Variants in SIAH3 observed in about 807,000 individuals in gnomAD.
SIAH3 encodes siah E3 ubiquitin protein ligase family member 3.
SIAH3 carries 9 observed loss-of-function variants against 12.6 expected under a neutral mutation model. The ratio of observed to expected loss-of-function variants is 0.72; its 90% confidence interval spans 0.43 to 1.25. The LOEUF (loss-of-function observed/expected upper bound fraction) is 1.25. Ranked by LOEUF, SIAH3 falls within the 50% of genes most tolerant of loss-of-function variation. The pLI is 0.00. For synonymous variants in SIAH3, 154 were observed against 151.1 expected (o/e 1.02, Z -0.14); for missense variants, 390 against 365.4 (o/e 1.07, Z -0.55).
chr13:45,835,229 C>T (rs1326138802), intron 1 of SIAH3, among the ~76,000 whole-genome samples: 1 of 152,172 alleles, frequency 6.6e-6, no homozygotes, highest in Non-Finnish European at 1.5e-5. Context: ...CCCAGCCTCT[C>T]CAAAAATGAA....
Position 45,823,778 on chromosome 13 carries a change from G to A in SIAH3, c.135+27717C>T, listed in dbSNP as rs115430428. ...GCACTGTGCAAGTGTTAATCTGGTG[G>A]TTTAGTCCTACAGGCCTGACAGTAT... On this transcript the variant is annotated intron_variant, in intron 1 of 1. Coordinates refer to ENST00000400405, the MANE Select transcript of SIAH3 (RefSeq NM_198849.3). 2.6e-3 allele frequency among the ~76,000 whole-genome samples: 395 copies of A among 152,336 alleles called. 3 individuals are homozygous for A. The highest frequency in any genetic ancestry group is 9.3e-3 in the African/African-American group (385 of 41,580).
chr13:45,834,606 T>C (rs2137579055), intron 1 of SIAH3, among the ~76,000 whole-genome samples: 1 of 152,302 alleles, frequency 6.6e-6, no homozygotes, highest in East Asian at 1.9e-4. Flanking sequence ...TTGGAGGCTG[T>C]CCCGTTGGGC....
Position 45,783,656 on chromosome 13 carries a change from C to T in SIAH3, c.537G>A (p.Gly179=), listed in dbSNP as rs749435219. 12 of 1,614,012 alleles carry T rather than the reference C, an allele frequency of 7.4e-6. No homozygotes were observed. In the South Asian group the frequency reaches 1.2e-4, roughly 16 times the overall value. The change falls in exon 2 of 2, where the codon GGG becomes GGA. Residue 179 remains glycine, a synonymous_variant. Coordinates refer to ENST00000400405, the MANE Select transcript of SIAH3 (RefSeq NM_198849.3). The part of the protein sequence containing the change: ...LVLRKQERHE[G]HPQFFATMML... ...TCATGGTGGCAAAGAACTGGGGGTG[C>T]CCTTCATGCCTCTCCTGTTTCCTCA...
At chr13:45,824,076 T>A (rs1454637695) in intron 1 of SIAH3, among the ~76,000 whole-genome samples, 3 of 152,172 alleles carry the variant, frequency 2.0e-5, no homozygotes, top group Non-Finnish European at 4.4e-5. Context: ...CTTACAAAGG[T>A]CAAAGATCCA....
chr13:45,781,965 T>G lies in SIAH3; in HGVS notation c.*1418A>C. 1 of 151,360 alleles carries G rather than the reference T, an allele frequency of 6.6e-6. No individual in the cohort carries two copies. The highest frequency in any genetic ancestry group is 6.6e-5 in the Admixed American group (1 of 15,184). The allele number at this position is 151,360 out of a possible 1,614,324, so 9.4% of individuals were successfully genotyped here. On this transcript the variant is annotated 3_prime_UTR_variant, in exon 2 of 2. Coordinates refer to ENST00000400405, the MANE Select transcript of SIAH3 (RefSeq NM_198849.3). ...GGCTGTCATGGGAATGTGCTGGGGATGGGGTGCCTGACTTCTGCAGTGTCT... is the reference window on the plus strand; with the variant it reads ...GGCTGTCATGGGAATGTGCTGGGGAGGGGGTGCCTGACTTCTGCAGTGTCT...
In SIAH3 at chr13:45,830,110, G is replaced by A. The variant is rs370684750; in HGVS notation, c.135+21385C>T. ...CATAACACATGAGAAAGCCAGGTTT[G>A]AATTAGAGGGCTCGGACTCCTTGGA... On this transcript the variant is annotated intron_variant, in intron 1 of 1. Transcript: ENST00000400405. Among the ~76,000 whole-genome samples the A allele has an allele frequency of 3.9e-4, 60 of 152,342 alleles. No individual in the cohort carries two copies. The South Asian group carries it at 5.6e-3, about 14-fold the overall frequency.
intron 1 of SIAH3, among the ~76,000 whole-genome samples, chr13:45,848,295 G>C (rs1367021662): frequency 6.6e-6 from 1 of 152,222 alleles, no homozygotes; most frequent in Non-Finnish European, 1.5e-5. Context: ...CAGAGACAGA[G>C]ACAGGCAGAG....
At chr13:45,815,613 CATA>C (rs1369345338) in intron 1 of SIAH3, among the ~76,000 whole-genome samples, 2 of 152,212 alleles carry the variant, frequency 1.3e-5, no homozygotes, top group Non-Finnish European at 2.9e-5. Flanking sequence ...AAATACAGTG[CATA>C]AACCCAGGTC....
chr13:45,827,144 C>T (rs1950681521), intron 1 of SIAH3, among the ~76,000 whole-genome samples: 1 of 152,182 alleles, frequency 6.6e-6, no homozygotes. Flanking sequence ...GTGACTGACC[C>T]AGCTCTGGTC....
At chr13:45,848,184 AG>A (rs1162455735) in intron 1 of SIAH3, among the ~76,000 whole-genome samples, 1 of 152,220 alleles carries the variant, frequency 6.6e-6, no homozygotes, top group Non-Finnish European at 1.5e-5. Flanking sequence ...GAGGAAGCAG[AG>A]GGCAGCTGGC....
chr13:45,808,714 T>TTCC (rs1555257836), intron 1 of SIAH3, among the ~76,000 whole-genome samples: 2 of 151,934 alleles, frequency 1.3e-5, no homozygotes, highest in Admixed American at 1.3e-4. Context: ...CGTGCATACT[T>TTCC]TTATCTACCA....
chr13:45,794,096 C>CT lies in SIAH3; in HGVS notation c.136-10040dup, dbSNP rs11311084. On this transcript the variant is annotated intron_variant, in intron 1 of 1. Coordinates refer to ENST00000400405, the MANE Select transcript of SIAH3 (RefSeq NM_198849.3). ...CAGAAGCTGTGTGGCCCTCCTGACACTTTTTTTTTTTTTTGAGATGGAGTC... is the reference window on the plus strand; with the variant it reads ...CAGAAGCTGTGTGGCCCTCCTGACACTTTTTTTTTTTTTTTGAGATGGAGTC... Among the ~76,000 whole-genome samples, 305 of 146,520 alleles carry CT rather than the reference C, an allele frequency of 2.1e-3. 3 individuals carry two copies. Among genetic ancestry groups the CT allele is most frequent in the East Asian group, 0.012 (59 of 4,990 alleles).
intron 1 of SIAH3, among the ~76,000 whole-genome samples, chr13:45,794,465 T>C (rs1950556179): frequency 6.6e-6 from 1 of 152,220 alleles, no homozygotes; most frequent in South Asian, 2.1e-4. Flanking sequence ...GGTTTGGCTG[T>C]GTCCCCACCC....
intron 1 of SIAH3, among the ~76,000 whole-genome samples, chr13:45,791,529 C>T (rs375046264): frequency 1.3e-5 from 2 of 152,236 alleles, no homozygotes; most frequent in Admixed American, 6.5e-5. Context: ...CAAGTGTCCA[C>T]GGCTGTGAGC....
At chr13:45,814,789 G>A (rs1950628464) in intron 1 of SIAH3, among the ~76,000 whole-genome samples, 1 of 151,562 alleles carries the variant, frequency 6.6e-6, no homozygotes, top group Non-Finnish European at 1.5e-5. Context: ...GCAGTGGTGC[G>A]ATCTCGCACT....
At chr13:45,825,984 T>C (rs1045402544) in intron 1 of SIAH3, among the ~76,000 whole-genome samples, 2 of 152,144 alleles carry the variant, frequency 1.3e-5, no homozygotes, top group African/African-American at 4.8e-5. Context: ...CCCAGCCCTG[T>C]GTCTTTGTTT....
chr13:45,847,224 G>A (rs567946766), intron 1 of SIAH3, among the ~76,000 whole-genome samples: 4 of 152,324 alleles, frequency 2.6e-5, no homozygotes, highest in African/African-American at 7.2e-5. Flanking sequence ...TTTAACTGCT[G>A]TAAAGTAGGT....
chr13:45,835,535 G>A (rs1185344515), intron 1 of SIAH3, among the ~76,000 whole-genome samples: 2 of 152,312 alleles, frequency 1.3e-5, no homozygotes, highest in African/African-American at 2.4e-5. Flanking sequence ...ACAACTGGAG[G>A]AGGCAGGCGG....
chr13:45,850,919 C>CCA (rs34118981), intron 1 of SIAH3, among the ~76,000 whole-genome samples: 3,855 of 128,248 alleles, frequency 0.03, 53 homozygotes, highest in East Asian at 0.071. Flanking sequence ...CCTCCCGACA[C>CCA]CACACACACA....
Sources: allele counts gnomAD v4.1 joint callset (sites outside exome capture counted in the v4.1 genomes callset), GRCh38; gene constraint gnomAD v4.1.1; transcripts MANE v1.5; gene names NCBI Gene and HGNC (gene_info 2026-07-23, HGNC 2026-07-21).